The following PTP4A1 variants were observed in gnomAD, a reference collection of about 807,000 sequenced individuals.
PTP4A1 encodes the protein protein tyrosine phosphatase 4A1.
In PTP4A1, 9 loss-of-function variants were observed where a neutral mutation model predicts 20.5. That is an observed-to-expected ratio of 0.44 (90% CI 0.26 to 0.77). PTP4A1 has a LOEUF of 0.77. Among genes scored for constraint, PTP4A1 ranks in the 30% least tolerant of loss-of-function variants. PTP4A1 has a pLI of 0.19. For synonymous variants in PTP4A1, 78 were observed against 67.4 expected (o/e 1.16, Z -0.77); for missense variants, 137 against 218.8 (o/e 0.63, Z 2.36).
intron 1 of PTP4A1, chr6:63,573,417 G>C (rs1160024240): frequency 6.6e-6 from 1 of 152,166 alleles, no homozygotes; most frequent in African/African-American, 2.4e-5. Context: ...GTGCTCGACG[G>C]CCGGGACCCG....
chr6:63,529,245 A>C (rs1395870419), intron 2 of PTP4A1, among the ~76,000 whole-genome samples: 1 of 150,618 alleles, frequency 6.6e-6, no homozygotes, highest in Non-Finnish European at 1.5e-5. Flanking sequence ...CTTTCATATA[A>C]TTTAGACAGG....
upstream of PTP4A1, among the ~76,000 whole-genome samples, chr6:63,517,947 G>A (rs1307509730): frequency 6.6e-6 from 1 of 152,132 alleles, no homozygotes; most frequent in Non-Finnish European, 1.5e-5. Context: ...GAGGTCAGGA[G>A]TTCAAGACGA....
chr6:63,579,501 A>G (rs1380403919), intron 5 of PTP4A1, among the ~76,000 whole-genome samples, 170 bp downstream of exon 5: 2 of 152,240 alleles, frequency 1.3e-5, no homozygotes. Flanking sequence ...GCAGTTGCTC[A>G]TATTACTAAG....
intron 2 of PTP4A1, among the ~76,000 whole-genome samples, chr6:63,536,753 A>G (rs1775745623): frequency 6.6e-6 from 1 of 152,142 alleles, no homozygotes; most frequent in African/African-American, 2.4e-5. Flanking sequence ...AGCAGTCTTA[A>G]TTTTTATTTA....
At chr6:63,577,753 T>C (rs899730951) in intron 2 of PTP4A1, among the ~76,000 whole-genome samples, 27 of 151,876 alleles carry the variant, frequency 1.8e-4, no homozygotes, top group African/African-American at 6.5e-4. Flanking sequence ...AGTTTCACCA[T>C]ATTGGCCAGG....
At chr6:63,557,400 T>C (rs1047297450) in intron 3 of PTP4A1, among the ~76,000 whole-genome samples, 2 of 152,060 alleles carry the variant, frequency 1.3e-5, no homozygotes, top group African/African-American at 2.4e-5. Flanking sequence ...ACCCTGTCTC[T>C]ACTAAAAATA....
At position 63,580,352 on chromosome 6, in the gene PTP4A1, C is replaced by T. The variant is rs1220423043; in HGVS notation, c.*178C>T. 8.9e-6 allele frequency: 5 copies of T among 560,320 alleles called. No homozygotes were observed. In the East Asian group the frequency reaches 1.4e-4, roughly 16 times the overall value. The allele number at this position is 560,320 out of a possible 1,614,324, so 34.7% of individuals were successfully genotyped here. A position where few individuals can be genotyped will look rare whatever the true frequency, so the allele number is the denominator to read the frequency against. ...GCAACCTCTGTATTTGGGTTACAGT[C>T]AACCTATTTGGATACTTGGCAAAAG... On this transcript the variant is annotated 3_prime_UTR_variant, in exon 6 of 6. Transcript: ENST00000626021.
At chr6:63,540,176 G>A (rs1775896454) in intron 2 of PTP4A1, among the ~76,000 whole-genome samples, 2 of 152,272 alleles carry the variant, frequency 1.3e-5, no homozygotes, top group South Asian at 4.1e-4. Flanking sequence ...TGCATGGTTG[G>A]AGAGTGAATA....
At position 63,578,927 on chromosome 6, in the gene PTP4A1, A is replaced by G. The variant is rs11547434; in HGVS notation, c.228A>G (p.Pro76=). The G allele has an allele frequency of 0.014, 22,527 of 1,594,082 alleles. 232 individuals carry two copies. Among genetic ancestry groups the G allele is most frequent in the African/African-American group, 0.044 (3,277 of 74,230 alleles). The part of the protein sequence containing the change: ...LDWPFDDGAP[P]SNQIVDDWLS... ...GGCCTTTTGATGATGGTGCACCACC[A>G]TCCAACCAGATTGTTGATGACTGGT... Residue 76 remains proline, a synonymous_variant, in exon 4 of 6, where the codon CCA becomes CCG. Coordinates refer to ENST00000626021, the MANE Select transcript of PTP4A1 (RefSeq NM_003463.5).
At position 63,553,329 on chromosome 6, in the gene PTP4A1, C is replaced by T. The variant is rs553974598; in HGVS notation, c.-446+2836C>T. Among the ~76,000 whole-genome samples, 102 of 152,294 alleles carry T rather than the reference C, an allele frequency of 6.7e-4. 1 individual carries two copies. Among genetic ancestry groups the T allele is most frequent in the Non-Finnish European group, 8.5e-4 (58 of 68,028 alleles). On this transcript the variant is annotated intron_variant, in intron 3 of 3. Transcript: ENST00000639568. ...AAGTAACAGGATGCTGTTAGCGACT[C>T]GGGTTCAGATAGAATCTCCTGTGGT... is the stretch of plus-strand genomic sequence containing the variant.
At chr6:63,535,109 T>A (rs57519486) in intron 2 of PTP4A1, among the ~76,000 whole-genome samples, 13,184 of 151,954 alleles carry the variant, frequency 0.087, 617 homozygotes, top group East Asian at 0.16. Context: ...TAAACAGTAT[T>A]TTAGGTAATA....
chr6:63,578,340 C>A, intron 2 of PTP4A1, 97 bp from the exon 3 acceptor site: 1 of 1,311,946 alleles, frequency 7.6e-7, no homozygotes. Flanking sequence ...TTCTGTTAAC[C>A]AGCATACTTA....
At chr6:63,525,033 G>A (rs185115936) in intron 1 of PTP4A1, among the ~76,000 whole-genome samples, 1 of 152,286 alleles carries the variant, frequency 6.6e-6, no homozygotes, top group East Asian at 1.9e-4. Flanking sequence ...ACTTGATTCA[G>A]GGATTTAGCT....
At chr6:63,577,533 G>A (rs1207945664) in intron 2 of PTP4A1, among the ~76,000 whole-genome samples, 1 of 152,070 alleles carries the variant, frequency 6.6e-6, no homozygotes, top group Non-Finnish European at 1.5e-5. Context: ...TAGCAAATAG[G>A]CCTCTCAGAA....
intron 2 of PTP4A1, among the ~76,000 whole-genome samples, chr6:63,529,557 C>T (rs957926565): frequency 2.0e-5 from 3 of 152,106 alleles, no homozygotes; most frequent in Non-Finnish European, 4.4e-5. Context: ...TAATTCTCAC[C>T]CCTTTCTTTC....
At chr6:63,523,800 T>C (rs1775043302) in intron 1 of PTP4A1, among the ~76,000 whole-genome samples, 1 of 152,132 alleles carries the variant, frequency 6.6e-6, no homozygotes, top group South Asian at 2.1e-4. Context: ...CAATTCTTCT[T>C]TCAGTGGGGC....
upstream of PTP4A1, among the ~76,000 whole-genome samples, chr6:63,518,520 G>A (rs1468815330): frequency 6.6e-6 from 1 of 152,174 alleles, no homozygotes; most frequent in Non-Finnish European, 1.5e-5. Flanking sequence ...CTTCTTTGAG[G>A]TTGAGACTGA....
At chr6:63,530,082 T>C (rs1775388943) in intron 2 of PTP4A1, among the ~76,000 whole-genome samples, 2 of 152,092 alleles carry the variant, frequency 1.3e-5, no homozygotes, top group Non-Finnish European at 2.9e-5. Context: ...ATAATAACAG[T>C]ATAGATTTCT....
intron 1 of PTP4A1, chr6:63,573,388 T>TG (rs1581946301): frequency 6.6e-6 from 1 of 152,210 alleles, no homozygotes; most frequent in African/African-American, 2.4e-5. Flanking sequence ...GGACAGCCAC[T>TG]GGGTGCAGCT....
Sources: allele counts gnomAD v4.1 joint callset (sites outside exome capture counted in the v4.1 genomes callset), GRCh38; gene constraint gnomAD v4.1.1; transcripts MANE v1.5; gene names NCBI Gene and HGNC (gene_info 2026-07-23, HGNC 2026-07-21).